The following SORBS2 variants were observed in gnomAD, a reference collection of about 807,000 sequenced individuals.
SORBS2 encodes the protein sorbin and SH3 domain-containing protein 2.
Under a neutral mutation model 97.7 loss-of-function variants are expected in SORBS2, and 46 were observed. The ratio of observed to expected loss-of-function variants is 0.47; its 90% CI spans 0.37 to 0.60. The LOEUF (loss-of-function observed/expected upper bound fraction) is 0.60. Ranked by LOEUF, SORBS2 falls within the 20% of genes least tolerant of loss-of-function variation. SORBS2 has a pLI of 0.00. For missense variants in SORBS2, 1,316 were observed against 1,282.3 expected, an observed-to-expected ratio of 1.03 and a Z score of -0.40; for synonymous variants, 476 against 473.4, an observed-to-expected ratio of 1.01 and a Z score of -0.07.
At chr4:185,601,195 G>C (rs765944342) in intron 12 of SORBS2, among the ~76,000 whole-genome samples, 1 of 152,162 alleles carries the variant, frequency 6.6e-6, no homozygotes, top group Non-Finnish European at 1.5e-5. Flanking sequence ...CTTAAGTGTC[G>C]TGGCAGACGA....
chr4:185,736,079 C>A (rs967893514), intron 2 of SORBS2, among the ~76,000 whole-genome samples: 9 of 152,208 alleles, frequency 5.9e-5, no homozygotes, highest in Non-Finnish European at 1.3e-4. Flanking sequence ...GGGGTGGGGT[C>A]TCCCCACAGA....
intron 1 of SORBS2, among the ~76,000 whole-genome samples, chr4:185,859,897 A>G (rs1186061301): frequency 6.6e-6 from 1 of 152,242 alleles, no homozygotes; most frequent in African/African-American, 2.4e-5. Flanking sequence ...CAGGTAAAGA[A>G]GCAAACACTG....
chr4:185,785,159 G>A (rs2099050166), intron 1 of SORBS2, among the ~76,000 whole-genome samples: 3 of 151,486 alleles, frequency 2.0e-5, no homozygotes. Flanking sequence ...GTGTCCTCGG[G>A]ACAGAAAAAG....
intron 1 of SORBS2, among the ~76,000 whole-genome samples, chr4:185,826,482 C>T (rs956241079): frequency 1.3e-5 from 2 of 152,154 alleles, no homozygotes; most frequent in Non-Finnish European, 2.9e-5. Flanking sequence ...TATTCATAAA[C>T]AAGTCATCCT....
In SORBS2 at chr4:185,919,875, G is replaced by A. The variant is rs142429132; in HGVS notation, c.-338+36321C>T. Among the ~76,000 whole-genome samples, 10 of 152,326 alleles carry A rather than the reference G, an allele frequency of 6.6e-5. 1 individual carries two copies. The East Asian group carries it at 1.9e-3, about 29-fold the overall frequency. On this transcript the variant is annotated intron_variant, in intron 1 of 20. Coordinates refer to the SORBS2 transcript ENST00000284776. ...CAGCCTGAAGTGGCATATATTTGAT[G>A]CTCAATAATACATGGCAGATGACAT...
intron 1 of SORBS2, among the ~76,000 whole-genome samples, chr4:185,939,418 C>A (rs1341478126): frequency 6.6e-6 from 1 of 152,220 alleles, no homozygotes; most frequent in African/African-American, 2.4e-5. Flanking sequence ...ACAGTGTGTT[C>A]TTTGGCCCAC....
intron 13 of SORBS2, chr4:185,593,130 T>C (rs1314071442): frequency 6.6e-6 from 1 of 152,340 alleles, no homozygotes; most frequent in Non-Finnish European, 1.5e-5. Context: ...TGCTCAGATA[T>C]GGGGGACAAG....
intron 1 of SORBS2, among the ~76,000 whole-genome samples, chr4:185,907,009 G>GGCT (rs2099251299): frequency 6.6e-6 from 1 of 152,042 alleles, no homozygotes; most frequent in Non-Finnish European, 1.5e-5. Context: ...GGTGGTGCGA[G>GGCT]CCTGTAATCC....
chr4:185,637,802 T>A (rs1237919789), intron 4 of SORBS2, among the ~76,000 whole-genome samples: 1 of 152,156 alleles, frequency 6.6e-6, no homozygotes, highest in South Asian at 2.1e-4. Flanking sequence ...ATTGTCTGAA[T>A]ATTCCATCAC....
intron 4 of SORBS2, chr4:185,638,999 C>T (rs1382319817): frequency 6.6e-7 from 1 of 1,522,988 alleles, no homozygotes; most frequent in Non-Finnish European, 8.8e-7. Flanking sequence ...CGGCCAGGTT[C>T]CCTTGGAACA....
chr4:185,615,080 C>T lies in SORBS2; in HGVS notation c.2431G>A (p.Gly811Arg), dbSNP rs747886644. The change falls in exon 10 of 15, where the codon GGG (glycine) becomes AGG (arginine). Residue 811 changes from glycine (G) to arginine (R), a missense_variant. Gly to Arg is a moderately radical substitution (Grantham distance 125). Coordinates refer to ENST00000418609, the Ensembl canonical transcript of SORBS2. ...GAGATCGGGAAGATGCCCACTCTCC[C>T]GTGGTGTTCTCCCTCATACCAATTT... is the stretch of plus-strand genomic sequence containing the variant. The T allele has an allele frequency of 6.8e-6, 11 of 1,613,942 alleles. No homozygotes were observed. The Admixed American group carries it at 1.0e-4, about 15-fold the overall frequency.
At chr4:185,935,880 G>A (rs774063778) in intron 1 of SORBS2, among the ~76,000 whole-genome samples, 1 of 152,148 alleles carries the variant, frequency 6.6e-6, no homozygotes, top group Non-Finnish European at 1.5e-5. Flanking sequence ...TTGTGACATG[G>A]TCTCACTGTC....
chr4:185,936,105 C>T (rs1038311209), intron 1 of SORBS2, among the ~76,000 whole-genome samples: 5 of 152,176 alleles, frequency 3.3e-5, no homozygotes, highest in African/African-American at 4.8e-5. Context: ...GTGATTAGCC[C>T]GACTCGGCCT....
intron 12 of SORBS2, among the ~76,000 whole-genome samples, chr4:185,610,890 A>T (rs1010855784): frequency 6.6e-6 from 1 of 152,182 alleles, no homozygotes; most frequent in Non-Finnish European, 1.5e-5. Context: ...GGCAATTTAA[A>T]GTTTTATTCC....
At chr4:185,701,515 T>C (rs2098262270) in intron 2 of SORBS2, among the ~76,000 whole-genome samples, 1 of 152,248 alleles carries the variant, frequency 6.6e-6, no homozygotes, top group South Asian at 2.1e-4. Flanking sequence ...AAAAGCACTT[T>C]GTCATCTGTG....
rs1191383849 is a variant in SORBS2 at position 185,704,115 on chromosome 4, T to A, written c.-197-25293A>T. On this transcript the variant is annotated intron_variant, in intron 2 of 20. Transcript: ENST00000284776. Reference sequence around the variant, plus strand: ...CTTAAGAATCTAGCTTTTAATATTATCAAAAGTAAAGACAGCCTAGACTCT... The same window carrying A: ...CTTAAGAATCTAGCTTTTAATATTAACAAAAGTAAAGACAGCCTAGACTCT... Among the ~76,000 whole-genome samples the A allele has an allele frequency of 3.3e-5, 5 of 152,306 alleles. No homozygotes were observed. The East Asian group carries it at 7.7e-4, about 24-fold the overall frequency.
At chr4:185,701,279 T>G (rs2098258150) in intron 2 of SORBS2, among the ~76,000 whole-genome samples, 1 of 152,230 alleles carries the variant, frequency 6.6e-6, no homozygotes, top group African/African-American at 2.4e-5. Context: ...CAGCCTGGTT[T>G]TAGCTCCAGG....
chr4:185,950,187 G>A (rs1486996558), intron 1 of SORBS2, among the ~76,000 whole-genome samples: 2 of 152,016 alleles, frequency 1.3e-5, no homozygotes, highest in Non-Finnish European at 2.9e-5. Context: ...AGGAGGCGGA[G>A]GTTGCAGCGA....
intron 1 of SORBS2, among the ~76,000 whole-genome samples, chr4:185,803,944 C>T (rs1402474698): frequency 2.0e-5 from 3 of 152,152 alleles, no homozygotes; most frequent in Non-Finnish European, 4.4e-5. Context: ...ATTTTCTTAA[C>T]TGTCAGACAT....
Sources: gnomAD v4.1 joint callset for allele counts (sites outside exome capture counted in the v4.1 genomes callset) on GRCh38, gnomAD v4.1.1 for gene constraint, MANE v1.5 for transcripts, NCBI Gene and HGNC (gene_info 2026-07-23, HGNC 2026-07-21) for gene names.